The following THADA variants were observed in gnomAD, a reference collection of about 807,000 sequenced individuals.
THADA encodes THADA armadillo repeat containing.
A neutral mutation model predicts 219.8 loss-of-function variants in THADA; 213 were observed. The observed-to-expected ratio is 0.97, with a 90% CI of 0.87 to 1.09. The LOEUF is 1.09. THADA is among the 50% of genes least tolerant of loss of function. THADA has a pLI of 0.00. For missense variants in THADA, 2,956 were observed against 2,311.3 expected (o/e 1.28, Z -5.72); for synonymous variants, 1,018 against 828.9 (o/e 1.23, Z -3.92).
At chr2:43,262,145 C>G (rs1671033193) in intron 36 of THADA, among the ~76,000 whole-genome samples, 1 of 152,220 alleles carries the variant, frequency 6.6e-6, no homozygotes, top group Non-Finnish European at 1.5e-5. Flanking sequence ...AGCAAGCGAA[C>G]TCTAGGTAAT....
chr2:43,344,262 C>T (rs1269177327), intron 29 of THADA, 25 bp from the exon 30 acceptor site: 1 of 1,492,014 alleles, frequency 6.7e-7, no homozygotes, highest in Admixed American at 2.0e-5. Flanking sequence ...AAAAAAAAAT[C>T]CTGCTGTGAA....
intron 31 of THADA, among the ~76,000 whole-genome samples, chr2:43,319,903 C>A (rs989627915): frequency 6.6e-6 from 1 of 152,134 alleles, no homozygotes; most frequent in African/African-American, 2.4e-5. Flanking sequence ...AAAAGAAAAA[C>A]CACTTTGCAA....
At chr2:43,580,791 A>G (rs1700349517) in intron 8 of THADA, among the ~76,000 whole-genome samples, 1 of 152,052 alleles carries the variant, frequency 6.6e-6, no homozygotes. Context: ...GAGGCAAGAA[A>G]ATCGCTTGAA....
At chr2:43,561,763 G>C (rs1449968300) in intron 15 of THADA, among the ~76,000 whole-genome samples, 3 of 151,984 alleles carry the variant, frequency 2.0e-5, no homozygotes, top group African/African-American at 7.3e-5. Context: ...AATTGCTCTG[G>C]CTAGAACTTT....
In THADA at chr2:43,541,184, G is replaced by A; in HGVS notation, c.3239C>T (p.Ser1080Phe). The change falls in exon 21 of 38, where the codon TCT becomes TTT. Residue 1080 changes from serine to phenylalanine, a missense_variant. By Grantham distance (155) the Ser-to-Phe change is radical. Transcript: ENST00000405975. Reference sequence around the variant, plus strand: ...CTGCTCCACCGTCAATAATCCATCAGAAGATTCTGGCACAGGCTGCATGGG... The same window carrying A: ...CTGCTCCACCGTCAATAATCCATCAAAAGATTCTGGCACAGGCTGCATGGG... ...LLPMQPVPESSDGLLTVEQVK... is the reference protein window; with the variant it reads ...LLPMQPVPESFDGLLTVEQVK... The A allele has an allele frequency of 6.3e-7, 1 of 1,595,404 alleles. No homozygotes were observed.
intron 30 of THADA, among the ~76,000 whole-genome samples, chr2:43,323,950 G>T (rs1349876456): frequency 6.6e-6 from 1 of 152,202 alleles, no homozygotes; most frequent in African/African-American, 2.4e-5. Flanking sequence ...TGATAAGGTG[G>T]AAACAAGAGG....
chr2:43,361,360 C>G (rs1051335891), intron 29 of THADA, among the ~76,000 whole-genome samples: 2 of 152,156 alleles, frequency 1.3e-5, no homozygotes, highest in African/African-American at 4.8e-5. Flanking sequence ...GTACAAAGTG[C>G]TTTGTAATTT....
chr2:43,485,524 C>A (rs1489380743), intron 25 of THADA, among the ~76,000 whole-genome samples, 199 bp from the exon 26 acceptor site: 6 of 152,060 alleles, frequency 3.9e-5, no homozygotes. Context: ...AGCTCTACAA[C>A]CCAATCACAT....
chr2:43,351,109 A>G (rs746923336), intron 29 of THADA, among the ~76,000 whole-genome samples: 2 of 152,178 alleles, frequency 1.3e-5, no homozygotes, highest in African/African-American at 4.8e-5. Context: ...CCCAGATGCT[A>G]AAAACAACTT....
At chr2:43,256,809 G>A (rs1670363392) in intron 36 of THADA, among the ~76,000 whole-genome samples, 1 of 151,954 alleles carries the variant, frequency 6.6e-6, no homozygotes, top group South Asian at 2.1e-4. Context: ...GACCTCCTGG[G>A]CTCAAGTGAT....
intron 16 of THADA, among the ~76,000 whole-genome samples, chr2:43,558,974 T>G (rs892121660): frequency 6.6e-6 from 1 of 152,170 alleles, no homozygotes; most frequent in African/African-American, 2.4e-5. Flanking sequence ...AATTTAGAGA[T>G]GCAGAGGTCC....
chr2:43,544,041 T>C (rs1435667829), intron 20 of THADA, among the ~76,000 whole-genome samples: 1 of 152,330 alleles, frequency 6.6e-6, no homozygotes, highest in Admixed American at 6.5e-5. Context: ...CTTGAATTAA[T>C]TTTTGTATAA....
chr2:43,244,852 CT>C (rs1467727488), intron 36 of THADA, among the ~76,000 whole-genome samples: 1 of 152,222 alleles, frequency 6.6e-6, no homozygotes. Context: ...GTGCCTTGCA[CT>C]TCATTCCTAT....
intron 16 of THADA, among the ~76,000 whole-genome samples, chr2:43,557,605 G>GA (rs1697534980): frequency 6.6e-6 from 1 of 152,186 alleles, no homozygotes; most frequent in Middle Eastern, 3.2e-3. Flanking sequence ...AAAGAAGACA[G>GA]AACAAAGGAC....
At chr2:43,483,495 C>G (rs1422044862) in intron 26 of THADA, among the ~76,000 whole-genome samples, 1 of 152,124 alleles carries the variant, frequency 6.6e-6, no homozygotes, top group African/African-American at 2.4e-5. Flanking sequence ...CCATACCGAT[C>G]TTCAGATTAC....
chr2:43,354,274 G>A (rs959753237), intron 29 of THADA, among the ~76,000 whole-genome samples: 1 of 151,756 alleles, frequency 6.6e-6, no homozygotes, highest in Non-Finnish European at 1.5e-5. Context: ...TTTTTTATGG[G>A]TATATGGTAG....
chr2:43,508,352 G>A (rs2105095293), intron 23 of THADA, among the ~76,000 whole-genome samples: 1 of 152,110 alleles, frequency 6.6e-6, no homozygotes, highest in South Asian at 2.1e-4. Flanking sequence ...GCACTTCCTG[G>A]AAGTGAGCAA....
intron 35 of THADA, among the ~76,000 whole-genome samples, chr2:43,282,145 A>T (rs990972730): frequency 6.6e-6 from 1 of 152,182 alleles, no homozygotes; most frequent in African/African-American, 2.4e-5. Context: ...TACCTGTTAT[A>T]AGCTAGGGTT....
At chr2:43,521,179 G>A (rs1435430991) in intron 22 of THADA, among the ~76,000 whole-genome samples, 5 of 150,940 alleles carry the variant, frequency 3.3e-5, no homozygotes, top group Non-Finnish European at 7.4e-5. Flanking sequence ...GAGGGAGGGA[G>A]GGAAGAAGGA....
Sources: gnomAD v4.1 joint callset for allele counts (sites outside exome capture counted in the v4.1 genomes callset) on GRCh38, gnomAD v4.1.1 for gene constraint, MANE v1.5 for transcripts, NCBI Gene and HGNC (gene_info 2026-07-23, HGNC 2026-07-21) for gene names.